The following CNTN4 variants were observed in gnomAD, a reference collection of about 807,000 sequenced individuals.
CNTN4 encodes the protein contactin-4.
CNTN4 carries 77 observed loss-of-function variants against 122.5 expected under a neutral mutation model. That is an observed-to-expected ratio of 0.63 (90% CI 0.52 to 0.76). The LOEUF (loss-of-function observed/expected upper bound fraction) is 0.76, where lower values mean the gene tolerates loss of function less well. Ranked by LOEUF, CNTN4 falls within the 30% of genes least tolerant of loss-of-function variation. The probability of loss-of-function intolerance (pLI) is 0.00; values close to 1 mark genes in which losing one functional copy is unlikely to be tolerated. For synonymous variants in CNTN4, 512 were observed against 447.0 expected (o/e 1.15, Z -1.83); for missense variants, 1,256 against 1,259.1 (o/e 1.00, Z 0.04).
intron 4 of CNTN4, among the ~76,000 whole-genome samples, chr3:2,592,621 G>A (rs2080553997): frequency 6.6e-6 from 1 of 152,124 alleles, no homozygotes; most frequent in African/African-American, 2.4e-5. Flanking sequence ...ATCCATGTAA[G>A]ACAGAACTTT....
intron 3 of CNTN4, among the ~76,000 whole-genome samples, chr3:2,433,060 C>T (rs2048134669): frequency 1.3e-5 from 2 of 151,990 alleles, no homozygotes; most frequent in South Asian, 2.1e-4. Flanking sequence ...TGGGCTCAAG[C>T]AATCCACCCA....
At chr3:2,983,621 T>C (rs79670056) in intron 13 of CNTN4, among the ~76,000 whole-genome samples, 1 of 152,220 alleles carries the variant, frequency 6.6e-6, no homozygotes, top group Non-Finnish European at 1.5e-5. Flanking sequence ...CTCTATGAGA[T>C]GTATATAGTT....
intron 7 of CNTN4, among the ~76,000 whole-genome samples, chr3:2,849,643 C>G (rs1402197962): frequency 6.6e-6 from 1 of 152,166 alleles, no homozygotes; most frequent in African/African-American, 2.4e-5. Flanking sequence ...CCCTACTTTA[C>G]AGAAGAAGAT....
At chr3:2,551,452 G>T (rs1208344020) in intron 3 of CNTN4, among the ~76,000 whole-genome samples, 1 of 151,986 alleles carries the variant, frequency 6.6e-6, no homozygotes, top group Non-Finnish European at 1.5e-5. Context: ...CATGATAATG[G>T]ATCAAGACCG....
chr3:2,884,048 C>G (rs1405328623), intron 9 of CNTN4, among the ~76,000 whole-genome samples: 1 of 152,124 alleles, frequency 6.6e-6, no homozygotes, highest in Non-Finnish European at 1.5e-5. Flanking sequence ...GAATCCATTA[C>G]TAACTCTCTT....
intron 6 of CNTN4, among the ~76,000 whole-genome samples, chr3:2,763,188 G>A (rs992826103): frequency 1.3e-5 from 2 of 151,958 alleles, no homozygotes; most frequent in South Asian, 4.2e-4. Flanking sequence ...CTCGTGATCC[G>A]CCCACCTCGG....
intron 14 of CNTN4, among the ~76,000 whole-genome samples, chr3:3,025,221 A>G (rs1280801023): frequency 1.3e-5 from 2 of 152,136 alleles, no homozygotes; most frequent in Non-Finnish European, 2.9e-5. Context: ...CCCAGTTTAA[A>G]CTATAATGTA....
intron 3 of CNTN4, among the ~76,000 whole-genome samples, chr3:2,541,803 CCTT>C (rs1404849427): frequency 6.6e-6 from 1 of 152,048 alleles, no homozygotes; most frequent in African/African-American, 2.4e-5. Context: ...GTGTTGGAGG[CCTT>C]CTTCAACTCT....
intron 3 of CNTN4, among the ~76,000 whole-genome samples, chr3:2,398,667 TAAAAC>T (rs2046729007): frequency 6.6e-6 from 1 of 152,132 alleles, no homozygotes; most frequent in Non-Finnish European, 1.5e-5. Flanking sequence ...TGTTCAGTAT[TAAAAC>T]AAAATTATCT....
At chr3:2,275,130 C>G (rs953334644) in intron 2 of CNTN4, among the ~76,000 whole-genome samples, 3 of 152,158 alleles carry the variant, frequency 2.0e-5, no homozygotes, top group Non-Finnish European at 1.5e-5. Context: ...TCTACGTTGC[C>G]TGTTTATCAG....
chr3:2,523,127 G>T (rs562990495), intron 3 of CNTN4, among the ~76,000 whole-genome samples: 2 of 152,034 alleles, frequency 1.3e-5, no homozygotes, highest in African/African-American at 2.4e-5. Context: ...AGGAATTGAG[G>T]TATGTACTGG....
At chr3:2,869,313 A>G (rs977683577) in intron 8 of CNTN4, among the ~76,000 whole-genome samples, 4 of 152,108 alleles carry the variant, frequency 2.6e-5, no homozygotes, top group African/African-American at 4.8e-5. Context: ...CAGTTGGGAA[A>G]TGATGGGGGG....
At position 2,254,829 on chromosome 3, in the gene CNTN4, A is replaced by G. The variant is rs932179905; in HGVS notation, c.-144-84349A>G. Among the ~76,000 whole-genome samples the G allele has an allele frequency of 3.9e-5, 6 of 151,934 alleles. No individual in the cohort carries two copies. The East Asian group carries it at 7.8e-4, about 20-fold the overall frequency. ...GATTACAAAAATTTTCTCTCATTCT[A>G]TAGGTTGCCTTTTCACTCTGATGAT... On this transcript the variant is annotated intron_variant, in intron 2 of 24. Coordinates refer to ENST00000418658, the MANE Select transcript of CNTN4 (RefSeq NM_175607.3).
chr3:2,943,631 T>TA (rs58830808), intron 13 of CNTN4, among the ~76,000 whole-genome samples: 5,798 of 37,036 alleles, frequency 0.16, 304 homozygotes, highest in African/African-American at 0.31. Flanking sequence ...TATATATATA[T>TA]TTTTTTTTTT....
chr3:3,011,900 C>A (rs1697273086), intron 14 of CNTN4, among the ~76,000 whole-genome samples: 1 of 149,498 alleles, frequency 6.7e-6, no homozygotes, highest in African/African-American at 2.5e-5. Flanking sequence ...GTGATGATGA[C>A]AGTGATGATG....
At chr3:2,531,483 C>A (rs149484192) in intron 3 of CNTN4, among the ~76,000 whole-genome samples, 362 of 152,256 alleles carry the variant, frequency 2.4e-3, no homozygotes, top group African/African-American at 8.2e-3. Context: ...CTTTAGGGAT[C>A]CAAGCTGTTA....
chr3:2,485,831 G>A (rs6442733), intron 3 of CNTN4, among the ~76,000 whole-genome samples: 98,647 of 151,928 alleles, frequency 0.65, 32,963 homozygotes, highest in African/African-American at 0.81. Flanking sequence ...AAACGCACCA[G>A]TCAGCACCCT....
At chr3:2,821,046 C>T (rs188783917) in intron 7 of CNTN4, among the ~76,000 whole-genome samples, 2 of 144,882 alleles carry the variant, frequency 1.4e-5, no homozygotes, top group Non-Finnish European at 3.0e-5. Flanking sequence ...ACTGCAACCT[C>T]TGCCTCCCAG....
intron 6 of CNTN4, among the ~76,000 whole-genome samples, chr3:2,763,531 G>C (rs2090695640): frequency 1.3e-5 from 2 of 152,114 alleles, no homozygotes; most frequent in Non-Finnish European, 2.9e-5. Context: ...AATTGCTTTT[G>C]TTGTCTTTGT....
Sources: gnomAD v4.1 joint callset for allele counts (sites outside exome capture counted in the v4.1 genomes callset) on GRCh38, gnomAD v4.1.1 for gene constraint, MANE v1.5 for transcripts, NCBI Gene and HGNC (gene_info 2026-07-23, HGNC 2026-07-21) for gene names.